The following CDH12 variants were observed in gnomAD, a reference collection of about 807,000 sequenced individuals.
The protein encoded by CDH12 is cadherin 12, also known as cadherin-12.
CDH12 carries 41 observed loss-of-function variants against 74.1 expected under a neutral mutation model. The observed-to-expected ratio is 0.55, with a 90% CI of 0.43 to 0.72. The LOEUF is 0.72. Ranked by LOEUF, CDH12 falls within the 30% of genes least tolerant of loss-of-function variation. The probability of loss-of-function intolerance (pLI) is 0.00; values close to 1 mark genes in which losing one functional copy is unlikely to be tolerated. For synonymous variants in CDH12, 399 were observed against 355.0 expected (o/e 1.12, Z -1.39); for missense variants, 945 against 977.2 (o/e 0.97, Z 0.44).
chr5:22,733,755 T>C (rs1335168257), intron 1 of CDH12, among the ~76,000 whole-genome samples: 2 of 151,984 alleles, frequency 1.3e-5, no homozygotes, highest in African/African-American at 4.8e-5. Flanking sequence ...GGGGGGTTCC[T>C]TCCTGGACAG....
chr5:22,826,704 G>C (rs1289681081), intron 1 of CDH12, among the ~76,000 whole-genome samples: 1 of 152,176 alleles, frequency 6.6e-6, no homozygotes, highest in Non-Finnish European at 1.5e-5. Flanking sequence ...TTTTAACAAA[G>C]AGACTGGTGG....
At chr5:22,213,114 C>G (rs1007932682) in intron 3 of CDH12, among the ~76,000 whole-genome samples, 4 of 152,096 alleles carry the variant, frequency 2.6e-5, no homozygotes, top group Non-Finnish European at 5.9e-5. Context: ...ATGTTTAAAG[C>G]GATGTGATCA....
chr5:22,721,601 G>A (rs908524171), intron 1 of CDH12, among the ~76,000 whole-genome samples: 2 of 152,270 alleles, frequency 1.3e-5, no homozygotes, highest in Admixed American at 6.5e-5. Flanking sequence ...TGTTGAGAAG[G>A]CATGATTGGT....
chr5:22,357,458 A>C (rs1022696273), intron 3 of CDH12, among the ~76,000 whole-genome samples: 1 of 152,160 alleles, frequency 6.6e-6, no homozygotes, highest in South Asian at 2.1e-4. Context: ...CATAAAAAAA[A>C]CCATCATGAT....
chr5:22,694,483 T>C (rs540651893), intron 1 of CDH12, among the ~76,000 whole-genome samples: 1 of 152,294 alleles, frequency 6.6e-6, no homozygotes, highest in South Asian at 2.1e-4. Flanking sequence ...AACTGCTTAA[T>C]ACAATTGCCA....
chr5:22,415,425 T>G (rs1258283837), intron 2 of CDH12, among the ~76,000 whole-genome samples: 2 of 152,344 alleles, frequency 1.3e-5, no homozygotes, highest in Admixed American at 6.5e-5. Context: ...TCCATTATGA[T>G]TGTGGGTCCA....
intron 2 of CDH12, among the ~76,000 whole-genome samples, chr5:22,458,130 T>C (rs1232491130): frequency 1.3e-5 from 2 of 152,126 alleles, no homozygotes; most frequent in African/African-American, 4.8e-5. Flanking sequence ...TCCACCCGCC[T>C]TGCCCTCCCA....
intron 1 of CDH12, among the ~76,000 whole-genome samples, chr5:22,852,503 T>C (rs2126544749): frequency 6.6e-6 from 1 of 152,294 alleles, no homozygotes; most frequent in South Asian, 2.1e-4. Flanking sequence ...TTGTCCCAGA[T>C]TAGTTTTGTG....
intron 6 of CDH12, among the ~76,000 whole-genome samples, chr5:21,862,448 G>C (rs749805866): frequency 1.3e-5 from 2 of 152,026 alleles, no homozygotes; most frequent in Non-Finnish European, 2.9e-5. Context: ...CCAAAAGGTA[G>C]GAAGTTGAGA....
At chr5:22,708,342 C>G (rs1743124490) in intron 1 of CDH12, among the ~76,000 whole-genome samples, 2 of 152,158 alleles carry the variant, frequency 1.3e-5, no homozygotes, top group Admixed American at 6.6e-5. Context: ...GACACAAACT[C>G]TCCCAAACCG....
chr5:22,067,274 A>G (rs1204908163), intron 5 of CDH12, among the ~76,000 whole-genome samples: 5 of 152,204 alleles, frequency 3.3e-5, no homozygotes, highest in Non-Finnish European at 7.3e-5. Context: ...TCTGACAAAA[A>G]TGTATTGCCA....
Position 21,884,610 on chromosome 5 carries a change from G to A in CDH12, c.527-29820C>T, listed in dbSNP as rs151160015. ...ACTGCTTTCAACCTAAATCACTGAG[G>A]CATTTTTACTACTATTCTGTTAAAA... On this transcript the variant is annotated intron_variant, in intron 6 of 14. Transcript: ENST00000382254. Among the ~76,000 whole-genome samples, 1,314 of 152,216 alleles carry A rather than the reference G, an allele frequency of 8.6e-3. 20 individuals carry two copies. Among genetic ancestry groups the A allele is most frequent in the African/African-American group, 0.03 (1,241 of 41,542 alleles).
chr5:22,512,212 A>G (rs906592786), intron 1 of CDH12, among the ~76,000 whole-genome samples: 1 of 152,200 alleles, frequency 6.6e-6, no homozygotes, highest in Non-Finnish European at 1.5e-5. Flanking sequence ...AGACTATATT[A>G]AGTGAAGGCT....
intron 1 of CDH12, among the ~76,000 whole-genome samples, chr5:22,527,273 G>C (rs74742503): frequency 0.16 from 24,972 of 151,978 alleles, 2,616 homozygotes; most frequent in East Asian, 0.36. Flanking sequence ...TATTCAAGGG[G>C]TGCTGGGTCT....
rs570238880 is a variant in CDH12 at position 22,764,106 on chromosome 5, C to G, written c.-523+88952G>C. Among the ~76,000 whole-genome samples, 51 of 151,864 alleles carry G rather than the reference C, an allele frequency of 3.4e-4. 1 individual carries two copies. Among genetic ancestry groups the G allele is most frequent in the African/African-American group, 1.2e-3 (49 of 41,530 alleles). ...ACATTTGTTTTTAAAATAATTTTATCTAATTAGAAGACTGAAAGAGTAACA... is the reference window on the plus strand; with the variant it reads ...ACATTTGTTTTTAAAATAATTTTATGTAATTAGAAGACTGAAAGAGTAACA... On this transcript the variant is annotated intron_variant, in intron 1 of 14. Transcript: ENST00000382254.
chr5:22,172,358 T>C (rs533316361), intron 4 of CDH12: 1 of 151,928 alleles, frequency 6.6e-6, no homozygotes, highest in South Asian at 2.1e-4. Flanking sequence ...TCTTATCTCC[T>C]CCTTGAAGAT....
intron 3 of CDH12, among the ~76,000 whole-genome samples, chr5:22,381,540 T>C (rs1741758141): frequency 6.6e-6 from 1 of 152,032 alleles, no homozygotes; most frequent in Non-Finnish European, 1.5e-5. Context: ...ATGCGATTTC[T>C]CCATTTTCTA....
At chr5:22,449,764 T>C (rs1744970768) in intron 2 of CDH12, among the ~76,000 whole-genome samples, 1 of 152,060 alleles carries the variant, frequency 6.6e-6, no homozygotes, top group Non-Finnish European at 1.5e-5. Context: ...TGCTCTTTTT[T>C]ATATGCAGTA....
intron 1 of CDH12, among the ~76,000 whole-genome samples, chr5:22,841,973 C>T (rs1165067074): frequency 2.6e-5 from 4 of 152,034 alleles, no homozygotes; most frequent in Non-Finnish European, 5.9e-5. Context: ...GCATCCCATG[C>T]ATAATAAAAT....
Sources: gnomAD v4.1 joint callset for allele counts (sites outside exome capture counted in the v4.1 genomes callset) on GRCh38, gnomAD v4.1.1 for gene constraint, MANE v1.5 for transcripts, NCBI Gene and HGNC (gene_info 2026-07-23, HGNC 2026-07-21) for gene names.